The following PDIA6 variants were observed in gnomAD, a reference collection of about 807,000 sequenced individuals.
The protein encoded by PDIA6 is protein disulfide-isomerase A6.
In PDIA6, 29 loss-of-function variants were observed where a neutral mutation model predicts 58.4. The observed-to-expected ratio is 0.50, with a 90% CI of 0.37 to 0.68. The LOEUF (loss-of-function observed/expected upper bound fraction) is 0.68, where lower values mean the gene tolerates loss of function less well. Among genes scored for constraint, PDIA6 ranks in the 30% least tolerant of loss-of-function variants. PDIA6 has a pLI of 0.00. For missense variants in PDIA6, 480 were observed against 551.0 expected (o/e 0.87, Z 1.29); for synonymous variants, 192 against 202.6 (o/e 0.95, Z 0.44).
At chr2:10,810,480 T>A (rs1666957784) in intron 1 of PDIA6, 1 of 1,317,836 alleles carries the variant, frequency 7.6e-7, no homozygotes, top group Non-Finnish European at 9.7e-7. Context: ...CCTTTCCGTA[T>A]AAAGACGCTC....
chr2:10,835,649 G>C (rs1180905973), upstream of PDIA6, among the ~76,000 whole-genome samples: 2 of 152,194 alleles, frequency 1.3e-5, no homozygotes, highest in African/African-American at 2.4e-5. Context: ...ACCCAGCCTG[G>C]GTTTGGATCC....
In PDIA6 at chr2:10,789,867, T is replaced by C; in HGVS notation, c.722A>G (p.Lys241Arg). ...AGGAGACTCGCCTTTCTGAAATATCTTGATTGTAGGAAATCCTCTAATCTA... is the reference window on the plus strand; with the variant it reads ...AGGAGACTCGCCTTTCTGAAATATCCTGATTGTAGGAAATCCTCTAATCTA... ...RYGIRGFPTI[K>R]IFQKGESPVD... Residue 241 changes from lysine to arginine, a missense_variant, in exon 8 of 13, where the codon AAG (lysine) becomes AGG (arginine). Lys to Arg is a conservative substitution (Grantham distance 26, BLOSUM62 2). Transcript: ENST00000272227. The C allele has an allele frequency of 6.2e-7, 1 of 1,613,722 alleles. No homozygotes were observed. Among genetic ancestry groups the C allele is most frequent in the Non-Finnish European group, 8.5e-7 (1 of 1,179,654 alleles).
chr2:10,825,292 C>G (rs971407808), intron 1 of PDIA6, among the ~76,000 whole-genome samples: 1 of 106,664 alleles, frequency 9.4e-6, no homozygotes, highest in East Asian at 3.4e-4. Context: ...CTCTCTCTGT[C>G]TCTCTCTCTC....
chr2:10,812,638 AC>A, intron 1 of PDIA6, 39 bp downstream of exon 1: 2 of 1,502,658 alleles, frequency 1.3e-6, no homozygotes, highest in Non-Finnish European at 1.8e-6. Flanking sequence ...TTTCAGGCCG[AC>A]CCCAGCTCGC....
chr2:10,819,946 T>G (rs1428894341), intron 1 of PDIA6, among the ~76,000 whole-genome samples: 1 of 152,198 alleles, frequency 6.6e-6, no homozygotes, highest in East Asian at 1.9e-4. Context: ...CCTGCTGGTC[T>G]CTATTAGATG....
chr2:10,827,604 A>G (rs1667586380), intron 1 of PDIA6, among the ~76,000 whole-genome samples: 2 of 151,984 alleles, frequency 1.3e-5, no homozygotes, highest in Non-Finnish European at 2.9e-5. Flanking sequence ...TGAGCAGATC[A>G]CTTGAGGCCA....
intron 1 of PDIA6, chr2:10,821,175 C>T (rs942823854): frequency 3.6e-6 from 1 of 276,618 alleles, no homozygotes; most frequent in Admixed American, 4.8e-5. Context: ...CCTTCCCCCT[C>T]TCTTACCTCT....
Position 10,798,395 on chromosome 2 carries a change from C to G in PDIA6, c.162-638G>C, listed in dbSNP as rs370520645. Among the ~76,000 whole-genome samples the G allele has an allele frequency of 3.7e-3, 563 of 152,078 alleles. 5 individuals carry two copies. The highest frequency in any genetic ancestry group is 0.013 in the African/African-American group (544 of 41,484). On this transcript the variant is annotated intron_variant, in intron 2 of 12. Transcript: ENST00000272227. ...CCAGCCTGGCCAACATGGTGACACCCTGTCTCTACTAAAAATACAAAAATT... is the reference window on the plus strand; with the variant it reads ...CCAGCCTGGCCAACATGGTGACACCGTGTCTCTACTAAAAATACAAAAATT...
At chr2:10,799,934 A>G (rs1351769953) in intron 2 of PDIA6, among the ~76,000 whole-genome samples, 1 of 152,018 alleles carries the variant, frequency 6.6e-6, no homozygotes, top group Non-Finnish European at 1.5e-5. Flanking sequence ...AAAAGAATAA[A>G]TCTGAAGCCA....
intron 1 of PDIA6, among the ~76,000 whole-genome samples, chr2:10,828,750 T>A (rs1404530330): frequency 6.6e-6 from 1 of 152,208 alleles, no homozygotes; most frequent in African/African-American, 2.4e-5. Flanking sequence ...GGGGCACAAA[T>A]GTGCTACACT....
chr2:10,837,644 G>T (rs945825008), exon 1 of PDIA6: 7 of 1,392,052 alleles, frequency 5.0e-6, no homozygotes, highest in Non-Finnish European at 6.9e-6. Flanking sequence ...ATTGCAGCTT[G>T]TTCAGGGGCT....
upstream of PDIA6, among the ~76,000 whole-genome samples, chr2:10,835,958 A>G (rs1044607964): frequency 3.3e-5 from 5 of 152,084 alleles, no homozygotes; most frequent in Non-Finnish European, 5.9e-5. Context: ...GGCTGAGTCA[A>G]GAGAATCACT....
upstream of PDIA6, among the ~76,000 whole-genome samples, chr2:10,837,159 CCT>C (rs1264398393): frequency 6.6e-6 from 1 of 152,176 alleles, no homozygotes; most frequent in African/African-American, 2.4e-5. Flanking sequence ...CACTGTCACC[CCT>C]CTCTGTTTCC....
Position 10,794,310 on chromosome 2 carries a change from G to T in PDIA6, c.347-1108C>A, listed in dbSNP as rs895213793. Among the ~76,000 whole-genome samples, 16 of 152,050 alleles carry T rather than the reference G, an allele frequency of 1.1e-4. No individual in the cohort carries two copies. In the South Asian group the frequency reaches 2.1e-3, roughly 20 times the overall value. On this transcript the variant is annotated intron_variant, in intron 4 of 12. Coordinates refer to ENST00000272227, the MANE Select transcript of PDIA6 (RefSeq NM_005742.4). Reference sequence around the variant, plus strand: ...AAAACACAAAAATTAGCTGGGCGTGGTGGTGGACATCTATAATCCCAGCTA... The same window carrying T: ...AAAACACAAAAATTAGCTGGGCGTGTTGGTGGACATCTATAATCCCAGCTA...
chr2:10,802,445 T>C lies in PDIA6; in HGVS notation c.161+54A>G, dbSNP rs189588745. 358 of 1,131,694 alleles carry C rather than the reference T, an allele frequency of 3.2e-4. 3 individuals are homozygous for C. In the African/African-American group the frequency reaches 5.3e-3, roughly 17 times the overall value. 70.1% of individuals were successfully genotyped at this position (1,131,694 alleles called of 1,614,324 possible). A position where few individuals can be genotyped will look rare whatever the true frequency, so the allele number is the denominator to read the frequency against. Reference sequence around the variant, plus strand: ...AAAATCAGATTTTTATACAGCGTTTTCTCCAATTTCAGAAAGTACTATAAA... The same window carrying C: ...AAAATCAGATTTTTATACAGCGTTTCCTCCAATTTCAGAAAGTACTATAAA... On this transcript the variant is annotated intron_variant, in intron 2 of 12. Coordinates refer to ENST00000272227, the MANE Select transcript of PDIA6 (RefSeq NM_005742.4).
intron 1 of PDIA6, among the ~76,000 whole-genome samples, chr2:10,807,659 A>G (rs571093572): frequency 6.6e-6 from 1 of 152,194 alleles, no homozygotes; most frequent in Non-Finnish European, 1.5e-5. Context: ...TTACATTTTC[A>G]CATGCTTGCT....
At position 10,788,764 on chromosome 2, in the gene PDIA6, C is replaced by T. The variant is rs765530042; in HGVS notation, c.931G>A (p.Ala311Thr). The T allele has an allele frequency of 1.2e-5, 19 of 1,611,894 alleles. No homozygotes were observed. Among genetic ancestry groups the T allele is most frequent in the Admixed American group, 8.3e-5 (5 of 59,988 alleles). The part of the protein sequence containing the change: ...VLPHILDTGA[A>T]GRNSYLEVLL... ...ACTTCCAGATAAGAATTTCTGCCTG[C>T]AGCTCCTGATTTAAATAGACAAAGT... Residue 311 changes from alanine (A) to threonine (T), a missense_variant, in exon 10 of 13, where the codon GCA becomes ACA. Coordinates refer to ENST00000272227, the MANE Select transcript of PDIA6 (RefSeq NM_005742.4).
Position 10,789,854 on chromosome 2 carries a change from T to C in PDIA6, c.735A>G (p.Lys245=). The C allele has an allele frequency of 6.2e-7, 1 of 1,613,790 alleles. No individual in the cohort carries two copies. Among genetic ancestry groups the C allele is most frequent in the African/African-American group, 1.3e-5 (1 of 75,018 alleles). Residue 245 remains lysine, a synonymous_variant, in exon 8 of 13, where the codon AAA becomes AAG. Coordinates refer to ENST00000272227, the MANE Select transcript of PDIA6 (RefSeq NM_005742.4). ...CGTCATAATCCACAGGAGACTCGCCTTTCTGAAATATCTTGATTGTAGGAA... is the reference window on the plus strand; with the variant it reads ...CGTCATAATCCACAGGAGACTCGCCCTTCTGAAATATCTTGATTGTAGGAA... ...RGFPTIKIFQ[K]GESPVDYDGG... is the part of the protein sequence containing the mutation.
chr2:10,814,718 A>G (rs1627163), upstream of PDIA6, among the ~76,000 whole-genome samples: 70,580 of 152,066 alleles, frequency 0.46, 16,814 homozygotes, highest in East Asian at 0.72. Flanking sequence ...TTGTCTTTAC[A>G]TTAAGACAGT....
Sources: allele counts gnomAD v4.1 joint callset (sites outside exome capture counted in the v4.1 genomes callset), GRCh38; gene constraint gnomAD v4.1.1; transcripts MANE v1.5; gene names NCBI Gene and HGNC (gene_info 2026-07-23, HGNC 2026-07-21).